DOCK7: variants seen among roughly 807,000 people sequenced by gnomAD.
DOCK7 encodes the protein dedicator of cytokinesis 7, also known as dedicator of cytokinesis protein 7.
A neutral mutation model predicts 271.0 loss-of-function variants in DOCK7; 138 were observed. The ratio of observed to expected loss-of-function variants is 0.51; its 90% CI spans 0.44 to 0.59. The LOEUF is 0.59. Ranked by LOEUF, DOCK7 falls within the 20% of genes least tolerant of loss-of-function variation. The pLI is 0.00. For synonymous variants in DOCK7, 823 were observed against 876.1 expected (o/e 0.94, Z 1.07); for missense variants, 2,066 against 2,592.4 (o/e 0.80, Z 4.41).
At chr1:62,662,535 G>A (rs1021656423) in intron 2 of DOCK7, among the ~76,000 whole-genome samples, 10 of 152,102 alleles carry the variant, frequency 6.6e-5, no homozygotes, top group Admixed American at 2.0e-4. Flanking sequence ...GGCCGAGGAA[G>A]GTGGATCACA....
At chr1:62,497,808 T>C (rs530631881) in intron 37 of DOCK7, among the ~76,000 whole-genome samples, 1 of 152,330 alleles carries the variant, frequency 6.6e-6, no homozygotes, top group South Asian at 2.1e-4. Context: ...GTCCAAAGTT[T>C]TGAGGATAAA....
At position 62,661,925 on chromosome 1, in the gene DOCK7, A is replaced by G. The variant is rs143691148; in HGVS notation, c.144+1100T>C. On this transcript the variant is annotated intron_variant, in intron 2 of 49. Transcript: ENST00000635253. ...ACACCAAGAGCATTTTGGAAGGATT[A>G]TCTCCATGTACATTGAAATCAGCCA... Among the ~76,000 whole-genome samples the G allele has an allele frequency of 9.3e-4, 141 of 152,348 alleles. 2 individuals are homozygous for G. The East Asian group carries it at 0.022, about 24-fold the overall frequency.
At chr1:62,544,582 C>A (rs1459845710) in intron 23 of DOCK7, among the ~76,000 whole-genome samples, 1 of 151,978 alleles carries the variant, frequency 6.6e-6, no homozygotes, top group Admixed American at 6.6e-5. Context: ...AAACCAAAAG[C>A]AAATAGAAAA....
At chr1:62,572,519 A>G (rs937123778) in intron 18 of DOCK7, among the ~76,000 whole-genome samples, 2 of 152,200 alleles carry the variant, frequency 1.3e-5, no homozygotes, top group African/African-American at 4.8e-5. Flanking sequence ...TAAACAGCAG[A>G]TATTTATTTT....
chr1:62,457,643 C>T lies in DOCK7; in HGVS notation c.6275G>A (p.Arg2092Lys). Reference sequence around the variant, plus strand: ...GCGATGATAGTTTCTCTCCAGTTCCCTTTGATACTCCTTTTGATCCGGCCC... The same window carrying T: ...GCGATGATAGTTTCTCTCCAGTTCCTTTTGATACTCCTTTTGATCCGGCCC... ...LIGPDQKEYQRELERNYHRLK... is the reference protein window; with the variant it reads ...LIGPDQKEYQKELERNYHRLK... The change falls in exon 49 of 50, where the codon AGG (arginine) becomes AAG (lysine). Residue 2092 changes from arginine (R) to lysine (K), a missense_variant. Arg to Lys is a conservative substitution (Grantham distance 26, BLOSUM62 2). This residue lies in a region of DOCK7 where 652 missense variants were observed against 922.1 expected (regional missense o/e 0.71). Coordinates refer to ENST00000635253, the MANE Select transcript of DOCK7 (RefSeq NM_001367561.1). 2 of 1,614,150 alleles carry T rather than the reference C, an allele frequency of 1.2e-6. No individual in the cohort carries two copies. Among genetic ancestry groups the T allele is most frequent in the Non-Finnish European group, 8.5e-7 (1 of 1,180,030 alleles).
chr1:62,617,071 C>T (rs1273485063), intron 14 of DOCK7, among the ~76,000 whole-genome samples: 4 of 137,306 alleles, frequency 2.9e-5, no homozygotes, highest in African/African-American at 8.1e-5. Context: ...AAGGAAAATA[C>T]ATGAAAAATA....
At chr1:62,549,372 G>C (rs1386632564) in intron 22 of DOCK7, among the ~76,000 whole-genome samples, 1 of 152,156 alleles carries the variant, frequency 6.6e-6, no homozygotes, top group Non-Finnish European at 1.5e-5. Context: ...CTGAAGTAGA[G>C]ATGATAGAAG....
chr1:62,495,778 T>C (rs559736576), intron 38 of DOCK7, 97 bp from the exon 39 acceptor site: 2 of 986,064 alleles, frequency 2.0e-6, no homozygotes, highest in African/African-American at 1.7e-5. Flanking sequence ...TATCTAAAGA[T>C]TTCAAAACAA....
chr1:62,675,272 G>A (rs988180816), intron 1 of DOCK7, among the ~76,000 whole-genome samples: 6 of 152,106 alleles, frequency 3.9e-5, no homozygotes, highest in South Asian at 2.1e-4. Flanking sequence ...ATGTGGTGGC[G>A]TGGGCCTATA....
At chr1:62,504,209 T>C (rs1646875818) in intron 37 of DOCK7, among the ~76,000 whole-genome samples, 10 of 151,766 alleles carry the variant, frequency 6.6e-5, no homozygotes. Context: ...ATAAATGAAC[T>C]AAATATTTGA....
chr1:62,494,381 T>C lies in DOCK7; in HGVS notation c.5111A>G (p.His1704Arg). ...MAGKHSERSN[H>R]AEAAQCLVHS... ...GACTAGACACTGTGCAGCTTCAGCA[T>C]GATTGCTTCGTTCTGAGTGCTTGCC... Residue 1704 changes from histidine to arginine, a missense_variant, in exon 40 of 50, where the codon CAT becomes CGT. His to Arg is a conservative substitution (Grantham distance 29, BLOSUM62 0). Around this residue, in one of 2 missense-constraint regions of DOCK7, gnomAD observed 652 missense variants for 922.1 expected, o/e 0.71. Transcript: ENST00000635253. 5.0e-6 allele frequency: 8 copies of C among 1,613,706 alleles called. No homozygotes were observed. Among genetic ancestry groups the C allele is most frequent in the Non-Finnish European group, 6.8e-6 (8 of 1,179,670 alleles).
Position 62,492,859 on chromosome 1 carries a change from A to T in DOCK7, c.5218-12T>A. On this transcript the variant is annotated splice_polypyrimidine_tract_variant and intron_variant, in intron 40 of 49. Coordinates refer to ENST00000635253, the MANE Select transcript of DOCK7 (RefSeq NM_001367561.1). ...TTAGATGAAATATTCTAGGGAAAAA[A>T]TATATTGAAAAGGTTTTTGAAACAG... is the stretch of plus-strand genomic sequence containing the variant. 1 of 1,599,878 alleles carries T rather than the reference A, an allele frequency of 6.3e-7. No individual in the cohort carries two copies. The highest frequency in any genetic ancestry group is 8.5e-7 in the Non-Finnish European group (1 of 1,174,970).
chr1:62,601,948 T>A (rs1052425124), intron 14 of DOCK7: 9 of 950,492 alleles, frequency 9.5e-6, no homozygotes, highest in Admixed American at 1.7e-5. Flanking sequence ...TTAGGAAGAT[T>A]AACCTGGTTA....
chr1:62,597,657 C>G, intron 14 of DOCK7: 1 of 1,613,412 alleles, frequency 6.2e-7, no homozygotes, highest in South Asian at 1.1e-5. Context: ...TTCTCTATCT[C>G]CAGAGCCAAA....
intron 22 of DOCK7, among the ~76,000 whole-genome samples, chr1:62,549,466 C>T (rs1474636120): frequency 2.0e-5 from 3 of 152,210 alleles, no homozygotes; most frequent in African/African-American, 4.8e-5. Context: ...AGTAAGGTAG[C>T]AGTTGAAATA....
chr1:62,546,718 A>G (rs1011082555), intron 22 of DOCK7, among the ~76,000 whole-genome samples: 3 of 152,146 alleles, frequency 2.0e-5, no homozygotes, highest in African/African-American at 7.2e-5. Context: ...ATATCAAAAT[A>G]CTAGTAAGAT....
intron 21 of DOCK7, among the ~76,000 whole-genome samples, 189 bp from the exon 22 acceptor site, chr1:62,553,090 A>G (rs1645968530): frequency 8.1e-6 from 1 of 124,038 alleles, no homozygotes. Context: ...GCTGGAGTGC[A>G]GTGGCTTGAT....
chr1:62,492,719 A>T lies in DOCK7; in HGVS notation c.5346T>A (p.Ala1782=), dbSNP rs1164712312. 1 of 1,614,022 alleles carries T rather than the reference A, an allele frequency of 6.2e-7. No individual in the cohort carries two copies. Among genetic ancestry groups the T allele is most frequent in the Non-Finnish European group, 8.5e-7 (1 of 1,179,996 alleles). Residue 1782 remains alanine (A), a synonymous_variant, in exon 41 of 50, where the codon GCT becomes GCA. Transcript: ENST00000635253. ...SGLVGLLEQA[A]ASFSMAGMYE... ...AGTCATCTACCATAGAGAAGGAAGCAGCTGCTTGTTCCAGTAATCCCACAA... is the reference window on the plus strand; with the variant it reads ...AGTCATCTACCATAGAGAAGGAAGCTGCTGCTTGTTCCAGTAATCCCACAA...
chr1:62,619,565 T>C lies in DOCK7; in HGVS notation c.1519+335A>G, dbSNP rs572096791. Among the ~76,000 whole-genome samples the C allele has an allele frequency of 5.9e-5, 9 of 152,362 alleles. No individual in the cohort carries two copies. In the East Asian group the frequency reaches 1.7e-3, roughly 29 times the overall value. On this transcript the variant is annotated intron_variant, in intron 13 of 49. Coordinates refer to ENST00000635253, the MANE Select transcript of DOCK7 (RefSeq NM_001367561.1). ...GAGCAATTATAACAATATACTATAA[T>C]AAATGTTACATGAATGTGGTCTCTT... is the stretch of plus-strand genomic sequence containing the variant.
Sources: gnomAD v4.1 joint callset for allele counts (sites outside exome capture counted in the v4.1 genomes callset) on GRCh38, gnomAD v4.1.1 for gene constraint, gnomAD v4.1.1 regional missense constraint, MANE v1.5 for transcripts, NCBI Gene and HGNC (gene_info 2026-07-23, HGNC 2026-07-21) for gene names.